Variants in XNDC1N observed in about 807,000 individuals in gnomAD.
XNDC1N encodes XRCC1 N-terminal domain containing 1, N-terminal like.
At chr11:71,892,443 A>T in the XNDC1N span, among the ~76,000 whole-genome samples, 4,266 of 152,258 alleles carry the variant, frequency 0.028, 71 homozygotes, top group East Asian at 0.08. Flanking sequence ...ATATCTCTGT[A>T]GGATATTACA....
chr11:71,915,346 G>A, the XNDC1N span, among the ~76,000 whole-genome samples: 2 of 151,950 alleles, frequency 1.3e-5, no homozygotes, highest in African/African-American at 4.8e-5. Flanking sequence ...TATTCGGGAG[G>A]CTGAGGCAGG....
the XNDC1N span, among the ~76,000 whole-genome samples, chr11:71,911,070 C>T: frequency 6.6e-6 from 1 of 152,252 alleles, no homozygotes; most frequent in Non-Finnish European, 1.5e-5. Flanking sequence ...CTACATCTCT[C>T]AACAACTGGA....
At chr11:71,893,062 ATAAAG>A in the XNDC1N span, among the ~76,000 whole-genome samples, 2 of 152,240 alleles carry the variant, frequency 1.3e-5, no homozygotes, top group African/African-American at 4.8e-5. Context: ...CCGTGTCAGA[ATAAAG>A]TAGAGTGTAT....
At chr11:71,915,656 G>A in the XNDC1N span, among the ~76,000 whole-genome samples, 2 of 152,198 alleles carry the variant, frequency 1.3e-5, no homozygotes, top group South Asian at 2.1e-4. Flanking sequence ...GAGCACACAT[G>A]TAAAGATATA....
chr11:71,904,303 T>C, the XNDC1N span, among the ~76,000 whole-genome samples: 1 of 152,142 alleles, frequency 6.6e-6, no homozygotes, highest in Non-Finnish European at 1.5e-5. Flanking sequence ...ACTGTGATAT[T>C]AGAAGCAATA....
At chr11:71,904,877 T>C in the XNDC1N span, among the ~76,000 whole-genome samples, 1 of 152,008 alleles carries the variant, frequency 6.6e-6, no homozygotes, top group African/African-American at 2.4e-5. Flanking sequence ...TGAATACACA[T>C]GATATACACC....
At chr11:71,917,140 A>G in the XNDC1N span, 3 of 354,532 alleles carry the variant, frequency 8.5e-6, no homozygotes, top group Admixed American at 4.1e-5. Context: ...CAGCCTCCCC[A>G]GTAGCTGGGA....
the XNDC1N span, among the ~76,000 whole-genome samples, chr11:71,922,470 AT>A: frequency 1.3e-5 from 2 of 152,002 alleles, no homozygotes. Flanking sequence ...CACAGGGCTG[AT>A]TTTTTATTTT....
chr11:71,870,488 C>T, the XNDC1N span, among the ~76,000 whole-genome samples: 1 of 152,102 alleles, frequency 6.6e-6, no homozygotes, highest in African/African-American at 2.4e-5. Flanking sequence ...AAAGTTCTAA[C>T]TTAAGTTCTA....
the XNDC1N span, among the ~76,000 whole-genome samples, chr11:71,902,313 T>C: frequency 1.3e-5 from 2 of 152,194 alleles, no homozygotes; most frequent in Non-Finnish European, 2.9e-5. Flanking sequence ...TGCCTCAGCC[T>C]CCCGAGTAGC....
At chr11:71,906,946 G>C in the XNDC1N span, among the ~76,000 whole-genome samples, 142 of 152,208 alleles carry the variant, frequency 9.3e-4, no homozygotes, top group Non-Finnish European at 1.7e-3. Context: ...TACAAACCCT[G>C]TGACATAAGG....
At chr11:71,875,370 AT>A in the XNDC1N span, among the ~76,000 whole-genome samples, 1 of 152,110 alleles carries the variant, frequency 6.6e-6, no homozygotes, top group Non-Finnish European at 1.5e-5. Context: ...TTATCAGATA[AT>A]CTTATTTTTT....
the XNDC1N span, among the ~76,000 whole-genome samples, chr11:71,882,981 A>C: frequency 2.0e-5 from 3 of 152,212 alleles, no homozygotes; most frequent in Non-Finnish European, 4.4e-5. Context: ...GCAAGTAAAG[A>C]AAATCCCATT....
At chr11:71,920,936 G>C in the XNDC1N span, among the ~76,000 whole-genome samples, 1 of 152,152 alleles carries the variant, frequency 6.6e-6, no homozygotes, top group African/African-American at 2.4e-5. Flanking sequence ...CTGCACTCCA[G>C]CCTGGGAGAC....
the XNDC1N span, among the ~76,000 whole-genome samples, chr11:71,889,152 G>C: frequency 6.6e-6 from 1 of 152,230 alleles, no homozygotes; most frequent in African/African-American, 2.4e-5. Flanking sequence ...GTGAGGGTGA[G>C]ACTGTCAACA....
chr11:71,890,567 C>T, the XNDC1N span, among the ~76,000 whole-genome samples: 1 of 152,054 alleles, frequency 6.6e-6, no homozygotes, highest in African/African-American at 2.4e-5. Flanking sequence ...ACTATCCTCT[C>T]CCTCTTTGGA....
At chr11:71,904,041 C>G in the XNDC1N span, 42 of 523,320 alleles carry the variant, frequency 8.0e-5, no homozygotes, top group African/African-American at 8.1e-4. Context: ...TGGTCACCCC[C>G]ATGCTGAACC....
the XNDC1N span, among the ~76,000 whole-genome samples, chr11:71,874,371 G>A: frequency 1.3e-5 from 2 of 152,120 alleles, no homozygotes; most frequent in African/African-American, 4.8e-5. Context: ...ATAGAACTCG[G>A]CTTGCTAATG....
the XNDC1N span, among the ~76,000 whole-genome samples, chr11:71,898,694 G>A: frequency 6.6e-6 from 1 of 152,158 alleles, no homozygotes; most frequent in Non-Finnish European, 1.5e-5. Context: ...AACTAGAAAG[G>A]TGGCCCCCAG....
Sources: gnomAD v4.1 joint callset for allele counts (sites outside exome capture counted in the v4.1 genomes callset) on GRCh38, gnomAD v4.1.1 for gene constraint, MANE v1.5 for transcripts, NCBI Gene and HGNC (gene_info 2026-07-23, HGNC 2026-07-21) for gene names.